The following TAF3 variants were observed in gnomAD, a reference collection of about 807,000 sequenced individuals.
The protein encoded by TAF3 is transcription initiation factor TFIID subunit 3.
TAF3 carries 7 observed loss-of-function variants against 80.6 expected under a neutral mutation model. The observed-to-expected ratio is 0.09, with a 90% CI of 0.05 to 0.16. TAF3 has a LOEUF of 0.16. Ranked by LOEUF, TAF3 falls within the 10% of genes least tolerant of loss-of-function variation. TAF3 has a pLI of 1.00. For synonymous variants in TAF3, 444 were observed against 446.1 expected, an observed-to-expected ratio of 1.00 and a Z score of 0.06; for missense variants, 921 against 1,140.2, an observed-to-expected ratio of 0.81 and a Z score of 2.77.
intron 4 of TAF3, among the ~76,000 whole-genome samples, chr10:8,003,652 AAAG>A (rs1564381561): frequency 1.3e-5 from 2 of 152,262 alleles, no homozygotes; most frequent in African/African-American, 4.8e-5. Flanking sequence ...ATGCAGCATT[AAAG>A]AAGAACTTAC....
chr10:7,840,147 GA>G (rs1234942292), intron 2 of TAF3, among the ~76,000 whole-genome samples: 1 of 149,924 alleles, frequency 6.7e-6, no homozygotes, highest in African/African-American at 2.5e-5. Flanking sequence ...AGTATCTTAG[GA>G]AAATGAGTGT....
rs1306362574 is a variant in TAF3, at chr10:7,964,982, A to G, written c.1472A>G (p.Tyr491Cys). Reference protein sequence around the residue: ...TPSNMPPNFPYISSPSVSPPT... With the variant: ...TPSNMPPNFPCISSPSVSPPT... ...TCAAATATGCCCCCCAACTTTCCTT[A>G]TATCTCTTCTCCGTCAGTGTCTCCT... The change falls in exon 3 of 7, where the codon TAT (tyrosine) becomes TGT (cysteine). Residue 491 changes from tyrosine (Y) to cysteine (C), a missense_variant. Transcript: ENST00000344293. The surrounding 1 kb of genome is among the most constrained non-coding windows in gnomAD (Gnocchi z 4.1). 8 of 1,613,950 alleles carry G rather than the reference A, an allele frequency of 5.0e-6. No individual in the cohort carries two copies. Among genetic ancestry groups the G allele is most frequent in the Non-Finnish European group, 5.9e-6 (7 of 1,180,042 alleles).
At chr10:7,853,263 A>G (rs1003294519) in intron 2 of TAF3, among the ~76,000 whole-genome samples, 5 of 152,200 alleles carry the variant, frequency 3.3e-5, no homozygotes, top group Non-Finnish European at 5.9e-5. Flanking sequence ...GGTTAAGTTT[A>G]TTGTAGAGTT....
At chr10:7,859,177 C>T (rs923690073) in intron 2 of TAF3, among the ~76,000 whole-genome samples, 14 of 152,050 alleles carry the variant, frequency 9.2e-5, no homozygotes, top group Admixed American at 6.6e-4. Context: ...AGGAGAATGG[C>T]GTGAACCCAG....
chr10:7,891,496 A>G (rs1485009499), intron 2 of TAF3, among the ~76,000 whole-genome samples: 1 of 152,256 alleles, frequency 6.6e-6, no homozygotes, highest in Non-Finnish European at 1.5e-5. Context: ...ATTGAAAGGC[A>G]TGGTTAAGTC....
chr10:7,981,309 G>T (rs1359053328), intron 4 of TAF3, among the ~76,000 whole-genome samples: 1 of 152,118 alleles, frequency 6.6e-6, no homozygotes, highest in African/African-American at 2.4e-5. Flanking sequence ...GGTCCCCCAT[G>T]CCCAGGTCCA....
chr10:7,899,590 A>G (rs1038290400), intron 2 of TAF3, among the ~76,000 whole-genome samples: 1 of 152,184 alleles, frequency 6.6e-6, no homozygotes, highest in African/African-American at 2.4e-5. Context: ...TGGTACTGGA[A>G]GGTTAAGACA....
chr10:7,911,683 T>A (rs1380352776), intron 2 of TAF3, among the ~76,000 whole-genome samples: 4 of 152,358 alleles, frequency 2.6e-5, no homozygotes, highest in African/African-American at 9.6e-5. Context: ...TGTCTCATGT[T>A]GTGTATTTTA....
chr10:7,958,713 G>A (rs970099871), intron 2 of TAF3, among the ~76,000 whole-genome samples: 2 of 152,204 alleles, frequency 1.3e-5, no homozygotes, highest in Non-Finnish European at 2.9e-5. Context: ...GGCCTCGCAG[G>A]TGTTCACTGA....
intron 2 of TAF3, among the ~76,000 whole-genome samples, chr10:7,840,157 G>GTT (rs151164265): frequency 1.4e-4 from 20 of 144,790 alleles, no homozygotes; most frequent in Non-Finnish European, 1.7e-4. Context: ...GAAAATGAGT[G>GTT]TTTTTTTTTT....
chr10:7,828,986 T>A (rs2131102443), intron 2 of TAF3, among the ~76,000 whole-genome samples: 1 of 125,202 alleles, frequency 8.0e-6, no homozygotes, highest in East Asian at 2.5e-4. Flanking sequence ...GCCGAGATCG[T>A]GCCACTGCAC....
Position 7,996,854 on chromosome 10 carries a change from TTTTTGTA to T in TAF3, c.2316-12219_2316-12213del, listed in dbSNP as rs759117412. Among the ~76,000 whole-genome samples the T allele has an allele frequency of 9.9e-3, 1,485 of 149,672 alleles. 7 individuals carry two copies. Among genetic ancestry groups the T allele is most frequent in the Non-Finnish European group, 0.018 (1,188 of 67,188 alleles). On this transcript the variant is annotated intron_variant, in intron 4 of 6. Coordinates refer to ENST00000344293, the MANE Select transcript of TAF3 (RefSeq NM_031923.4). Reference sequence around the variant, plus strand: ...ACCACCACACTCTATTTTTTTTTTTTTTTTGTATTTTTGTATTTTTGTAGAGACGAGG... The same window carrying T: ...ACCACCACACTCTATTTTTTTTTTTTTTTTTGTATTTTTGTAGAGACGAGG...
chr10:7,894,934 G>A (rs1837491884), intron 2 of TAF3, among the ~76,000 whole-genome samples: 1 of 152,128 alleles, frequency 6.6e-6, no homozygotes, highest in East Asian at 1.9e-4. Flanking sequence ...GGAGTGCAGT[G>A]GCATGGTCTT....
chr10:7,965,394 A>G lies in TAF3; in HGVS notation c.1884A>G (p.Lys628=). The change falls in exon 3 of 7, where the codon AAA becomes AAG. Residue 628 remains lysine (K), a synonymous_variant. Transcript: ENST00000344293. The part of the protein sequence containing the change: ...DKKKDREKGK[K]DKDKREKEKV... ...AGAAAGATAGAGAGAAAGGCAAGAAAGATAAAGATAAGAGAGAGAAAGAAA... is the reference window on the plus strand; with the variant it reads ...AGAAAGATAGAGAGAAAGGCAAGAAGGATAAAGATAAGAGAGAGAAAGAAA... 6.2e-7 allele frequency: 1 copy of G among 1,610,638 alleles called. No homozygotes were observed. Among genetic ancestry groups the G allele is most frequent in the Non-Finnish European group, 8.5e-7 (1 of 1,179,214 alleles).
intron 2 of TAF3, among the ~76,000 whole-genome samples, chr10:7,867,367 T>C (rs1281569285): frequency 6.6e-6 from 1 of 152,222 alleles, no homozygotes; most frequent in Non-Finnish European, 1.5e-5. Flanking sequence ...TAGTATTTAG[T>C]CATTTGTTTC....
At chr10:7,854,180 A>G (rs1241620442) in intron 2 of TAF3, among the ~76,000 whole-genome samples, 6 of 152,228 alleles carry the variant, frequency 3.9e-5, no homozygotes, top group African/African-American at 1.4e-4. Flanking sequence ...AGAAGTAAGA[A>G]CCATCAGGTT....
intron 4 of TAF3, among the ~76,000 whole-genome samples, chr10:7,998,569 G>A (rs1246949316): frequency 6.6e-6 from 1 of 151,818 alleles, no homozygotes; most frequent in Admixed American, 6.6e-5. Context: ...AGGGAGAGGT[G>A]GGGCATGGTG....
At chr10:7,971,636 T>C (rs1030639032) in intron 3 of TAF3, among the ~76,000 whole-genome samples, 1 of 152,220 alleles carries the variant, frequency 6.6e-6, no homozygotes, top group Non-Finnish European at 1.5e-5. Context: ...ACTGATTCTT[T>C]ATAGATAAGC....
intron 4 of TAF3, among the ~76,000 whole-genome samples, chr10:7,982,892 A>T (rs1189667843): frequency 3.3e-5 from 5 of 152,180 alleles, no homozygotes; most frequent in Admixed American, 1.3e-4. Flanking sequence ...GCATGAAAGA[A>T]CAGCTCAGTG....
Sources: allele counts gnomAD v4.1 joint callset (sites outside exome capture counted in the v4.1 genomes callset), GRCh38; gene constraint gnomAD v4.1.1; non-coding constraint Gnocchi (gnomAD v3.1); transcripts MANE v1.5; gene names NCBI Gene and HGNC (gene_info 2026-07-23, HGNC 2026-07-21).